The following NPAS3 variants were observed in gnomAD, a reference collection of about 807,000 sequenced individuals.
NPAS3 encodes neuronal PAS domain protein 3, also known as neuronal PAS domain-containing protein 3.
NPAS3 carries 14 observed loss-of-function variants against 73.1 expected under a neutral mutation model. The observed-to-expected ratio is 0.19, with a 90% CI of 0.13 to 0.30. The LOEUF (loss-of-function observed/expected upper bound fraction) is 0.30. Among genes scored for constraint, NPAS3 ranks in the 10% least tolerant of loss-of-function variants. The pLI is 1.00. For missense variants in NPAS3, 1,096 were observed against 1,250.0 expected (o/e 0.88, Z 1.86); for synonymous variants, 620 against 541.5 (o/e 1.14, Z -2.01).
chr14:32,974,247 G>A (rs1441436340), intron 1 of NPAS3, among the ~76,000 whole-genome samples: 1 of 152,198 alleles, frequency 6.6e-6, no homozygotes, highest in Non-Finnish European at 1.5e-5. Flanking sequence ...GCTAGTCACT[G>A]TGCTGAGTGC....
At chr14:33,048,528 G>A (rs1341076838) in intron 1 of NPAS3, among the ~76,000 whole-genome samples, 1 of 152,206 alleles carries the variant, frequency 6.6e-6, no homozygotes, top group African/African-American at 2.4e-5. Flanking sequence ...TTGACTTTGG[G>A]AGGACTCCCA....
chr14:33,491,310 T>C (rs1371271443), intron 4 of NPAS3, among the ~76,000 whole-genome samples: 1 of 152,060 alleles, frequency 6.6e-6, no homozygotes, highest in African/African-American at 2.4e-5. Context: ...AGCGTTGTAT[T>C]AGGGATTACA....
intron 5 of NPAS3, among the ~76,000 whole-genome samples, chr14:33,598,622 T>G (rs1164972636): frequency 1.3e-5 from 2 of 152,374 alleles, no homozygotes; most frequent in South Asian, 4.1e-4. Context: ...TTTTTAAAAC[T>G]ATGCATTTTT....
chr14:33,659,632 G>A (rs1410777482), intron 5 of NPAS3, among the ~76,000 whole-genome samples: 1 of 152,096 alleles, frequency 6.6e-6, no homozygotes, highest in Non-Finnish European at 1.5e-5. Context: ...ATTGTATACA[G>A]TCAGCCAAAG....
intron 3 of NPAS3, among the ~76,000 whole-genome samples, chr14:33,253,678 CATATGTCCTTAA>C (rs1417770342): frequency 6.6e-6 from 1 of 152,044 alleles, no homozygotes; most frequent in Non-Finnish European, 1.5e-5. Context: ...TTATGTCCCC[CATATGTCCTTAA>C]ATATAAACAT....
At chr14:33,523,835 AG>A (rs2053668140) in intron 4 of NPAS3, among the ~76,000 whole-genome samples, 1 of 151,780 alleles carries the variant, frequency 6.6e-6, no homozygotes, top group African/African-American at 2.4e-5. Flanking sequence ...CCTGCTACAA[AG>A]AACCAGATCA....
chr14:33,308,979 A>G (rs2042895466), intron 3 of NPAS3, among the ~76,000 whole-genome samples: 1 of 152,156 alleles, frequency 6.6e-6, no homozygotes, highest in African/African-American at 2.4e-5. Context: ...AATTTGCGAA[A>G]GAAAAACATA....
chr14:33,238,614 T>C (rs940771183), intron 3 of NPAS3, among the ~76,000 whole-genome samples: 1 of 152,016 alleles, frequency 6.6e-6, no homozygotes, highest in Non-Finnish European at 1.5e-5. Flanking sequence ...GAAATTAAAA[T>C]GGCAAAAGAC....
rs577988755 is a variant in NPAS3, at chr14:33,454,911, C to T, written c.468+87643C>T. Among the ~76,000 whole-genome samples, 14 of 152,118 alleles carry T rather than the reference C, an allele frequency of 9.2e-5. 1 individual carries two copies. The highest frequency in any genetic ancestry group is 1.6e-4 in the Non-Finnish European group (11 of 68,034). On this transcript the variant is annotated intron_variant, in intron 4 of 11. Transcript: ENST00000356141. ...CAGGTGAGGAGAGGCAGCGTGCCCCCGGCTGAGTGAGTGGCCTCAGGATCA... is the reference window on the plus strand; with the variant it reads ...CAGGTGAGGAGAGGCAGCGTGCCCCTGGCTGAGTGAGTGGCCTCAGGATCA...
At chr14:33,087,479 C>A (rs78060133) in intron 2 of NPAS3, among the ~76,000 whole-genome samples, 1 of 151,810 alleles carries the variant, frequency 6.6e-6, no homozygotes, top group African/African-American at 2.4e-5. Context: ...TAATAAGTAT[C>A]TCACCTCACT....
At chr14:33,735,107 C>T (rs776379529) in intron 6 of NPAS3, 107 bp from the exon 7 acceptor site, 1 of 761,020 alleles carries the variant, frequency 1.3e-6, no homozygotes. Flanking sequence ...TCTTAGCACC[C>T]ATCAGTCATT....
chr14:33,524,590 T>C (rs1190276601), intron 4 of NPAS3, among the ~76,000 whole-genome samples: 2 of 152,172 alleles, frequency 1.3e-5, no homozygotes, highest in East Asian at 1.9e-4. Flanking sequence ...CTTCCTCTAA[T>C]AGAAAGATGA....
chr14:33,691,216 A>T (rs557687692), intron 6 of NPAS3, among the ~76,000 whole-genome samples: 13 of 152,228 alleles, frequency 8.5e-5, no homozygotes, highest in African/African-American at 3.1e-4. Context: ...TACAGAAAAG[A>T]ATTGCTGGTA....
intron 2 of NPAS3, among the ~76,000 whole-genome samples, chr14:33,164,534 C>T (rs1236373542): frequency 6.6e-6 from 1 of 151,408 alleles, no homozygotes; most frequent in Non-Finnish European, 1.5e-5. Context: ...TTCAAATGAA[C>T]AACTTAAAAA....
At chr14:33,169,054 T>C (rs1373879438) in intron 2 of NPAS3, among the ~76,000 whole-genome samples, 2 of 152,222 alleles carry the variant, frequency 1.3e-5, no homozygotes, top group Non-Finnish European at 2.9e-5. Context: ...GTTGGGAGTT[T>C]TGTAGCCCTC....
At chr14:33,790,280 GA>G (rs2063319231) in intron 9 of NPAS3, among the ~76,000 whole-genome samples, 1 of 152,142 alleles carries the variant, frequency 6.6e-6, no homozygotes, top group South Asian at 2.1e-4. Context: ...GGAATTTTAT[GA>G]AATAAACTTA....
At chr14:33,266,694 A>G (rs745660282) in intron 3 of NPAS3, among the ~76,000 whole-genome samples, 8 of 152,158 alleles carry the variant, frequency 5.3e-5, no homozygotes, top group African/African-American at 1.7e-4. Flanking sequence ...TGCATGGCCA[A>G]TATAGGTCTT....
At chr14:33,418,696 G>T (rs934698607) in intron 4 of NPAS3, among the ~76,000 whole-genome samples, 2 of 151,808 alleles carry the variant, frequency 1.3e-5, no homozygotes, top group African/African-American at 4.8e-5. Flanking sequence ...AGATGGGAGA[G>T]AAATGCTTAG....
At chr14:33,355,288 G>C (rs1417747749) in intron 3 of NPAS3, among the ~76,000 whole-genome samples, 1 of 152,124 alleles carries the variant, frequency 6.6e-6, no homozygotes, top group African/African-American at 2.4e-5. Context: ...TTTTCCTGCA[G>C]TCCTCCAAGT....
Sources: gnomAD v4.1 joint callset for allele counts (sites outside exome capture counted in the v4.1 genomes callset) on GRCh38, gnomAD v4.1.1 for gene constraint, MANE v1.5 for transcripts, NCBI Gene and HGNC (gene_info 2026-07-23, HGNC 2026-07-21) for gene names.